CSNK1D: variants seen among roughly 807,000 people sequenced by gnomAD.
The protein encoded by CSNK1D is casein kinase 1 delta.
Under a neutral mutation model 46.6 loss-of-function variants are expected in CSNK1D, and 16 were observed. That is an observed-to-expected ratio of 0.34 (90% confidence interval 0.23 to 0.52). CSNK1D has a LOEUF of 0.52. Ranked by LOEUF, CSNK1D falls within the 20% of genes least tolerant of loss-of-function variation. The probability of loss-of-function intolerance (pLI) is 0.95; values close to 1 mark genes in which losing one functional copy is unlikely to be tolerated. For missense variants in CSNK1D, 398 were observed against 578.4 expected, an observed-to-expected ratio of 0.69 and a Z score of 3.20; for synonymous variants, 276 against 228.2, an observed-to-expected ratio of 1.21 and a Z score of -1.89.
intron 3 of CSNK1D, chr17:82,254,140 G>A (rs2051094720): frequency 4.2e-6 from 1 of 236,386 alleles, no homozygotes. Flanking sequence ...GCCTCGAGAA[G>A]CCAGTGAGCT....
chr17:82,251,211 C>A lies in CSNK1D; in HGVS notation c.885+168G>T. 1.3e-6 allele frequency: 1 copy of A among 747,018 alleles called. No individual in the cohort carries two copies. The highest frequency in any genetic ancestry group is 2.2e-6 in the Non-Finnish European group (1 of 449,974). The allele number at this position is 747,018 out of a possible 1,614,324, so 46.3% of individuals were successfully genotyped here. A position where few individuals can be genotyped will look rare whatever the true frequency, so the allele number is the denominator to read the frequency against. On this transcript the variant is annotated intron_variant, in intron 6 of 8. Transcript: ENST00000314028. The surrounding 1 kb of genome is among the most constrained non-coding windows in gnomAD (Gnocchi z 4.5). Reference sequence around the variant, plus strand: ...CTTACTTCTTGGCACCCCTTTCTGGCAGGCAGACACCCACTCAGTCCAGGT... The same window carrying A: ...CTTACTTCTTGGCACCCCTTTCTGGAAGGCAGACACCCACTCAGTCCAGGT...
chr17:82,264,572 G>A (rs527972940), intron 2 of CSNK1D, among the ~76,000 whole-genome samples: 56 of 152,270 alleles, frequency 3.7e-4, no homozygotes, highest in African/African-American at 1.3e-3. Context: ...CATGATGGTC[G>A]CCAAGTTCAA....
downstream of CSNK1D, chr17:82,239,965 C>T (rs902626812): frequency 3.6e-5 from 44 of 1,231,614 alleles, no homozygotes; most frequent in Middle Eastern, 2.1e-4. Flanking sequence ...GGTCAGAGGC[C>T]GCCGGGGCCC....
chr17:82,257,307 C>T (rs1308543242), intron 2 of CSNK1D, among the ~76,000 whole-genome samples: 2 of 151,736 alleles, frequency 1.3e-5, no homozygotes, highest in Non-Finnish European at 2.9e-5. Flanking sequence ...TTTTTATTTT[C>T]TTCTGGAGTT....
At chr17:82,272,386 C>T (rs2051650330) in intron 1 of CSNK1D, 1 of 152,276 alleles carries the variant, frequency 6.6e-6, no homozygotes, top group Admixed American at 6.5e-5. Context: ...TTTAAGCCAA[C>T]CTTTCATCAC....
intron 2 of CSNK1D, among the ~76,000 whole-genome samples, chr17:82,258,655 G>A (rs1028855529): frequency 1.3e-5 from 2 of 151,934 alleles, no homozygotes; most frequent in Non-Finnish European, 2.9e-5. Context: ...CCAAATTTAG[G>A]CAACAGATCA....
At position 82,248,382 on chromosome 17, in the gene CSNK1D, G is replaced by A. The variant is rs1451495846; in HGVS notation, c.1197+493C>T. The A allele has an allele frequency of 7.0e-6, 7 of 1,001,234 alleles. No homozygotes were observed. In the Admixed American group the frequency reaches 1.6e-4, roughly 23 times the overall value. 62.0% of individuals were successfully genotyped at this position (1,001,234 alleles called of 1,614,324 possible). A position where few individuals can be genotyped will look rare whatever the true frequency, so the allele number is the denominator to read the frequency against. ...CGTCCAAGGGAAGACAGGTGAGGCC[G>A]TCAAAAGAAGGAAAGCCTCGTTGCA... On this transcript the variant is annotated intron_variant, in intron 8 of 8. Transcript: ENST00000314028. This position sits in a 1 kb window ranked among gnomAD's most constrained non-coding sequence, Gnocchi z 4.1.
At position 82,252,090 on chromosome 17, in the gene CSNK1D, T is replaced by C. The variant is rs890540865; in HGVS notation, c.736+344A>G. On this transcript the variant is annotated intron_variant, in intron 5 of 8. Coordinates refer to ENST00000314028, the MANE Select transcript of CSNK1D (RefSeq NM_001893.6). This position sits in a 1 kb window ranked among gnomAD's most constrained non-coding sequence, Gnocchi z 4.6. ...ATGCAAAGGAAATCTCCCGAGCTCC[T>C]GGAGGGGGCCAGAGAGGGCAGCCAC... 1.3e-5 allele frequency among the ~76,000 whole-genome samples: 2 copies of C among 152,124 alleles called. No homozygotes were observed. Among genetic ancestry groups the C allele is most frequent in the Non-Finnish European group, 2.9e-5 (2 of 68,020 alleles).
Position 82,249,421 on chromosome 17 carries a change from G to A in CSNK1D, c.1057+10C>T, listed in dbSNP as rs748868273. On this transcript the variant is annotated intron_variant, in intron 7 of 8. Transcript: ENST00000314028. This position sits in a 1 kb window ranked among gnomAD's most constrained non-coding sequence, Gnocchi z 6.7. The stretch of plus-strand genomic sequence containing the variant: ...AGCCAGCCCCAGAGCGCTGGGAGGG[G>A]GGCACTCACCCGTGTGTGAGGTAGG... The A allele has an allele frequency of 2.0e-6, 3 of 1,533,040 alleles. No homozygotes were observed. The highest frequency in any genetic ancestry group is 2.4e-5 in the South Asian group (2 of 83,892). 95.0% of individuals were successfully genotyped at this position (1,533,040 alleles called of 1,614,324 possible).
At chr17:82,245,323 A>G in intron 8 of CSNK1D, 1 of 278,878 alleles carries the variant, frequency 3.6e-6, no homozygotes, top group Non-Finnish European at 7.0e-6. Context: ...AGGAGGGAGC[A>G]CAGCGTGGAC....
intron 8 of CSNK1D, chr17:82,247,458 A>T: frequency 1.0e-6 from 1 of 985,436 alleles, no homozygotes; most frequent in Non-Finnish European, 1.2e-6. Context: ...AACAAAAAGC[A>T]CTCAGGCCCC....
Position 82,244,708 on chromosome 17 carries a change from C to CACTAGTAAAGCCATTGGTA in CSNK1D, c.*54_*72dup, listed in dbSNP as rs1364915076. On this transcript the variant is annotated 3_prime_UTR_variant, in exon 9 of 9. Transcript: ENST00000314028. ...TTCGATCCTAGACCGGGGGACGTGT[C>CACTAGTAAAGCCATTGGTA]ACTAGTAAAGCCATTGGTAACAGAG... 2.5e-6 allele frequency: 4 copies of CACTAGTAAAGCCATTGGTA among 1,611,316 alleles called. No individual in the cohort carries two copies. Among genetic ancestry groups the CACTAGTAAAGCCATTGGTA allele is most frequent in the Non-Finnish European group, 2.5e-6 (3 of 1,179,688 alleles).
At position 82,252,537 on chromosome 17, in the gene CSNK1D, G is replaced by C. The variant is rs1406932856; in HGVS notation, c.633C>G (p.Leu211=). Residue 211 remains leucine, a synonymous_variant, in exon 5 of 9, where the codon CTC becomes CTG. Coordinates refer to ENST00000314028, the MANE Select transcript of CSNK1D (RefSeq NM_001893.6). This position sits in a 1 kb window ranked among gnomAD's most constrained non-coding sequence, Gnocchi z 4.6. ...YVLMYFNLGS[L]PWQGLKAATK... ...TGGCAGCCTTCAGCCCCTGCCAGGG[G>C]AGAGAGCCCAGGTTGAAGTACATTA... The C allele has an allele frequency of 6.2e-6, 10 of 1,613,932 alleles. No individual in the cohort carries two copies. In the South Asian group the frequency reaches 1.1e-4, roughly 18 times the overall value.
In CSNK1D at chr17:82,244,981, G is replaced by A. The variant is rs1267190008; in HGVS notation, c.1198-150C>T. Reference sequence around the variant, plus strand: ...CCTGCGTCCCCCGCCACGCACAGGGGCCTCTGTGGCTGGGACACGTGCTCA... The same window carrying A: ...CCTGCGTCCCCCGCCACGCACAGGGACCTCTGTGGCTGGGACACGTGCTCA... On this transcript the variant is annotated intron_variant, in intron 8 of 8. Transcript: ENST00000314028. The A allele has an allele frequency of 5.2e-6, 5 of 955,870 alleles. No individual in the cohort carries two copies. The African/African-American group carries it at 6.5e-5, about 12-fold the overall frequency. The allele number at this position is 955,870 out of a possible 1,614,324, so 59.2% of individuals were successfully genotyped here. A position where few individuals can be genotyped will look rare whatever the true frequency, so the allele number is the denominator to read the frequency against.
intron 1 of CSNK1D, among the ~76,000 whole-genome samples, chr17:82,266,192 C>T (rs2051463565): frequency 6.6e-6 from 1 of 152,162 alleles, no homozygotes; most frequent in Non-Finnish European, 1.5e-5. Context: ...CTCCATGCTG[C>T]CTGATAGGCC....
chr17:82,249,855 G>A lies in CSNK1D; in HGVS notation c.886-253C>T. Reference sequence around the variant, plus strand: ...CACTCGCCATGGCATCTCCCTGTGGGCTCAGAACTTCCTTAAACTTCCAAA... The same window carrying A: ...CACTCGCCATGGCATCTCCCTGTGGACTCAGAACTTCCTTAAACTTCCAAA... On this transcript the variant is annotated intron_variant, in intron 6 of 8. Transcript: ENST00000314028. This position sits in a 1 kb window ranked among gnomAD's most constrained non-coding sequence, Gnocchi z 6.7. 3.5e-6 allele frequency: 5 copies of A among 1,420,644 alleles called. No individual in the cohort carries two copies. The South Asian group carries it at 7.5e-5, about 21-fold the overall frequency. The allele number at this position is 1,420,644 out of a possible 1,614,324, so 88.0% of individuals were successfully genotyped here.
intron 1 of CSNK1D, among the ~76,000 whole-genome samples, chr17:82,267,343 A>C (rs1442245301): frequency 6.6e-6 from 1 of 152,178 alleles, no homozygotes; most frequent in African/African-American, 2.4e-5. Flanking sequence ...CCCTGATGAA[A>C]AGCAGAGTAA....
At chr17:82,267,998 C>T (rs892607419) in intron 1 of CSNK1D, among the ~76,000 whole-genome samples, 2 of 152,254 alleles carry the variant, frequency 1.3e-5, no homozygotes, top group African/African-American at 2.4e-5. Context: ...CTCTGGCACA[C>T]AACACGAATC....
chr17:82,253,408 C>T (rs1054140537), intron 3 of CSNK1D, 164 bp from the exon 4 acceptor site: 16 of 682,416 alleles, frequency 2.3e-5, no homozygotes, highest in Non-Finnish European at 4.3e-5. Context: ...CAAATTGTTC[C>T]CCCAGGTGCC....
Sources: allele counts gnomAD v4.1 joint callset (sites outside exome capture counted in the v4.1 genomes callset), GRCh38; gene constraint gnomAD v4.1.1; non-coding constraint Gnocchi (gnomAD v3.1); transcripts MANE v1.5; gene names NCBI Gene and HGNC (gene_info 2026-07-23, HGNC 2026-07-21).